MAMDC2: variants seen among roughly 807,000 people sequenced by gnomAD.
MAMDC2 encodes MAM domain containing 2, also known as MAM domain-containing protein 2.
A neutral mutation model predicts 89.8 loss-of-function variants in MAMDC2; 57 were observed. The observed-to-expected ratio is 0.63, with a 90% CI of 0.51 to 0.79. The LOEUF is 0.79. Ranked by LOEUF, MAMDC2 falls within the 30% of genes least tolerant of loss-of-function variation. The pLI, the probability that MAMDC2 is intolerant of heterozygous loss-of-function variation, is 0.00. For missense variants in MAMDC2, 800 were observed against 820.6 expected (o/e 0.97, Z 0.31); for synonymous variants, 313 against 293.4 (o/e 1.07, Z -0.68).
intron 2 of MAMDC2, chr9:70,085,940 T>C (rs1054717882): frequency 6.6e-6 from 1 of 152,160 alleles, no homozygotes; most frequent in Non-Finnish European, 1.5e-5. Context: ...ATAGTTTTTT[T>C]AGTTTATTAT....
At chr9:70,050,756 T>A (rs968955318) in intron 2 of MAMDC2, among the ~76,000 whole-genome samples, 1 of 152,188 alleles carries the variant, frequency 6.6e-6, no homozygotes, top group African/African-American at 2.4e-5. Flanking sequence ...TTTCTTTTGC[T>A]TATAGTTATG....
At position 70,140,051 on chromosome 9, in the gene MAMDC2, G is replaced by C. The variant is rs115477032; in HGVS notation, c.995-94G>C. 5 of 1,322,956 alleles carry C rather than the reference G, an allele frequency of 3.8e-6. No homozygotes were observed. In the African/African-American group the frequency reaches 7.7e-5, roughly 20 times the overall value. The allele number at this position is 1,322,956 out of a possible 1,614,324, so 82.0% of individuals were successfully genotyped here. A position where few individuals can be genotyped will look rare whatever the true frequency, so the allele number is the denominator to read the frequency against. ...TGTTTTACTTCTTCGGTCTCCCCTG[G>C]TACAAATGTGTATATATAAATATCT... On this transcript the variant is annotated intron_variant, in intron 7 of 13. Coordinates refer to ENST00000377182, the MANE Select transcript of MAMDC2 (RefSeq NM_153267.5).
chr9:70,202,943 G>A (rs997805368), intron 11 of MAMDC2, among the ~76,000 whole-genome samples: 7 of 150,960 alleles, frequency 4.6e-5, no homozygotes, highest in African/African-American at 1.7e-4. Flanking sequence ...TTGAGCCTAT[G>A]TGTGTCTCTG....
intron 7 of MAMDC2, among the ~76,000 whole-genome samples, chr9:70,134,785 T>A (rs2118380250): frequency 6.6e-6 from 1 of 152,294 alleles, no homozygotes; most frequent in South Asian, 2.1e-4. Context: ...ACTCTGGCCC[T>A]TGTTTCCCCA....
At position 70,218,454 on chromosome 9, in the gene MAMDC2, A is replaced by G. The variant is rs529235562; in HGVS notation, c.1769A>G (p.Tyr590Cys). Residue 590 changes from tyrosine to cysteine, a missense_variant, in exon 12 of 14, where the codon TAT (tyrosine) becomes TGT (cysteine). By Grantham distance (194) the Tyr-to-Cys change is radical. Transcript: ENST00000377182. Reference sequence around the variant, plus strand: ...TGCTTGACCTTTTTCTACCACATGTATGGAGGGGGCACTGGCCTGCTGAGT... The same window carrying G: ...TGCTTGACCTTTTTCTACCACATGTGTGGAGGGGGCACTGGCCTGCTGAGT... ...KHCLTFFYHMYGGGTGLLSVY... is the reference protein window; with the variant it reads ...KHCLTFFYHMCGGGTGLLSVY... The G allele has an allele frequency of 1.2e-6, 2 of 1,614,176 alleles. No individual in the cohort carries two copies. The highest frequency in any genetic ancestry group is 4.5e-5 in the East Asian group (2 of 44,880).
chr9:70,044,468 C>T lies in MAMDC2; in HGVS notation c.35-116C>T, dbSNP rs1174492476. On this transcript the variant is annotated intron_variant, in intron 1 of 13. Transcript: ENST00000377182. The stretch of plus-strand genomic sequence containing the variant: ...GGGGACAGGTACTGCATCCCTCTCC[C>T]GCCCCCTCCCGCTCGTCTTTCCCCC... The T allele has an allele frequency of 1.3e-5, 12 of 911,242 alleles. No individual in the cohort carries two copies. The African/African-American group carries it at 1.6e-4, about 13-fold the overall frequency. The allele number at this position is 911,242 out of a possible 1,614,324, so 56.4% of individuals were successfully genotyped here. A position where few individuals can be genotyped will look rare whatever the true frequency, so the allele number is the denominator to read the frequency against.
intron 2 of MAMDC2, among the ~76,000 whole-genome samples, chr9:70,071,928 A>G (rs1827420010): frequency 6.6e-6 from 1 of 152,194 alleles, no homozygotes; most frequent in South Asian, 2.1e-4. Context: ...AGTACATTAC[A>G]AAATACAATA....
chr9:70,220,216 G>C (rs1291772791), intron 12 of MAMDC2, among the ~76,000 whole-genome samples: 1 of 152,154 alleles, frequency 6.6e-6, no homozygotes, highest in Non-Finnish European at 1.5e-5. Context: ...TCAGCATCTA[G>C]GCCTTGGGGA....
chr9:70,133,446 A>G (rs2030882752), intron 7 of MAMDC2, among the ~76,000 whole-genome samples: 1 of 152,244 alleles, frequency 6.6e-6, no homozygotes, highest in Admixed American at 6.5e-5. Flanking sequence ...TCAGTCTGCA[A>G]AGCACAGACT....
intron 2 of MAMDC2, chr9:70,085,992 T>A (rs1827762912): frequency 6.6e-6 from 1 of 152,096 alleles, no homozygotes; most frequent in Non-Finnish European, 1.5e-5. Flanking sequence ...ATTCAGCTAC[T>A]GTTGGCAAGA....
intron 9 of MAMDC2, chr9:70,154,177 G>A (rs1162264680): frequency 6.6e-6 from 1 of 152,142 alleles, no homozygotes; most frequent in African/African-American, 2.4e-5. Flanking sequence ...GTAAGCTTCT[G>A]GAGAATACGG....
At chr9:70,044,302 G>C in intron 1 of MAMDC2, 71 bp downstream of exon 1, 2 of 1,537,480 alleles carry the variant, frequency 1.3e-6, no homozygotes, top group Non-Finnish European at 1.8e-6. Flanking sequence ...TGCCCCCGGG[G>C]GTCCGGCTCA....
intron 2 of MAMDC2, among the ~76,000 whole-genome samples, chr9:70,065,576 G>A (rs369011401): frequency 1.0e-3 from 84 of 82,216 alleles, no homozygotes; most frequent in Middle Eastern, 6.9e-3. Context: ...AAAACCCCAC[G>A]TCCTTTTTTT....
At chr9:70,141,519 T>A (rs1427107100) in intron 8 of MAMDC2, among the ~76,000 whole-genome samples, 1 of 152,244 alleles carries the variant, frequency 6.6e-6, no homozygotes, top group Non-Finnish European at 1.5e-5. Flanking sequence ...TGGTAAGTGC[T>A]GTCAGGGAGG....
At chr9:70,084,497 A>G (rs1013853282) in intron 2 of MAMDC2, among the ~76,000 whole-genome samples, 2 of 152,008 alleles carry the variant, frequency 1.3e-5, no homozygotes, top group Non-Finnish European at 2.9e-5. Context: ...AGTCACAATC[A>G]CACGCTAGAT....
chr9:70,078,981 T>C (rs1827597066), intron 2 of MAMDC2, among the ~76,000 whole-genome samples: 2 of 152,114 alleles, frequency 1.3e-5, no homozygotes, highest in Admixed American at 6.6e-5. Flanking sequence ...CTGCTTCAGG[T>C]GACCAGCTCC....
intron 11 of MAMDC2, among the ~76,000 whole-genome samples, chr9:70,205,775 G>A (rs1418193890): frequency 3.9e-5 from 6 of 152,144 alleles, no homozygotes; most frequent in African/African-American, 1.4e-4. Context: ...GCAACAACAT[G>A]TGAGCTGGTC....
chr9:70,135,474 T>C (rs554101609), intron 7 of MAMDC2, among the ~76,000 whole-genome samples: 4 of 130,930 alleles, frequency 3.1e-5, no homozygotes, highest in Admixed American at 2.2e-4. Flanking sequence ...GCTTTTGAGA[T>C]TTTTTTTTAT....
chr9:70,198,831 TA>T (rs1337180982), intron 11 of MAMDC2, among the ~76,000 whole-genome samples: 1 of 152,116 alleles, frequency 6.6e-6, no homozygotes, highest in Non-Finnish European at 1.5e-5. Context: ...AATAAAATAT[TA>T]AATAATGAAG....
Sources: gnomAD v4.1 joint callset for allele counts (sites outside exome capture counted in the v4.1 genomes callset) on GRCh38, gnomAD v4.1.1 for gene constraint, MANE v1.5 for transcripts, NCBI Gene and HGNC (gene_info 2026-07-23, HGNC 2026-07-21) for gene names.